The following LRP1B variants were observed in gnomAD, a reference collection of about 807,000 sequenced individuals.
LRP1B encodes low-density lipoprotein receptor-related protein 1B.
LRP1B carries 217 observed loss-of-function variants against 556.6 expected under a neutral mutation model. That is an observed-to-expected ratio of 0.39 (90% CI 0.35 to 0.44). The LOEUF is 0.44. LRP1B is among the 20% of genes least tolerant of loss of function. The pLI is 1.00. For missense variants in LRP1B, 5,053 were observed against 5,620.8 expected, an observed-to-expected ratio of 0.90 and a Z score of 3.23; for synonymous variants, 2,047 against 1,865.8, an observed-to-expected ratio of 1.10 and a Z score of -2.50.
chr2:141,254,614 T>A lies in LRP1B; in HGVS notation c.371A>T (p.Asn124Ile), dbSNP rs2105340513. ...QELLSNCQQL[N>I]CQYKCTMVRN... ...GACCATTGTACATTTATACTGACAATTCAGCTGTTGGCAATTGGATAACAG... is the reference window on the plus strand; with the variant it reads ...GACCATTGTACATTTATACTGACAAATCAGCTGTTGGCAATTGGATAACAG... The change falls in exon 4 of 91, where the codon AAT (asparagine) becomes ATT (isoleucine). Residue 124 changes from asparagine (N) to isoleucine (I), a missense_variant. Around this residue, in one of 5 missense-constraint regions of LRP1B, gnomAD observed 3,619 missense variants for 3,931.9 expected, o/e 0.92. Coordinates refer to ENST00000389484, the MANE Select transcript of LRP1B (RefSeq NM_018557.3). The A allele has an allele frequency of 1.2e-6, 2 of 1,610,942 alleles. No individual in the cohort carries two copies. Among genetic ancestry groups the A allele is most frequent in the Non-Finnish European group, 1.7e-6 (2 of 1,177,848 alleles).
chr2:140,556,557 A>G (rs1574076245), intron 43 of LRP1B, among the ~76,000 whole-genome samples: 2 of 152,194 alleles, frequency 1.3e-5, no homozygotes, highest in East Asian at 3.9e-4. Context: ...CTCCAATGTC[A>G]CTTAAAAGTT....
At chr2:141,754,120 C>G (rs935312119) in intron 2 of LRP1B, among the ~76,000 whole-genome samples, 12 of 152,118 alleles carry the variant, frequency 7.9e-5, no homozygotes, top group Admixed American at 2.6e-4. Context: ...TCATTCTTAT[C>G]CATGCATGCA....
intron 2 of LRP1B, among the ~76,000 whole-genome samples, chr2:141,720,005 G>C: frequency 6.6e-6 from 1 of 152,038 alleles, no homozygotes; most frequent in East Asian, 1.9e-4. Context: ...AATAAAAGTT[G>C]AAATTGTTTT....
At chr2:141,720,020 G>A (rs763128350) in intron 2 of LRP1B, among the ~76,000 whole-genome samples, 101 of 152,074 alleles carry the variant, frequency 6.6e-4, no homozygotes, top group Non-Finnish European at 1.3e-3. Context: ...TGTTTTAAAA[G>A]GTATTCATTA....
intron 1 of LRP1B, among the ~76,000 whole-genome samples, chr2:141,900,217 C>A (rs1699577136): frequency 6.6e-6 from 1 of 151,964 alleles, no homozygotes; most frequent in Non-Finnish European, 1.5e-5. Context: ...CATGTATTAT[C>A]CACAAGCCAA....
chr2:140,242,835 C>T (rs1052714810), intron 87 of LRP1B, among the ~76,000 whole-genome samples: 2 of 150,922 alleles, frequency 1.3e-5, no homozygotes, highest in African/African-American at 2.4e-5. Flanking sequence ...AGTGTGTAAG[C>T]CATATAAATC....
At chr2:141,887,376 G>A (rs1699160343) in intron 1 of LRP1B, among the ~76,000 whole-genome samples, 1 of 152,110 alleles carries the variant, frequency 6.6e-6, no homozygotes, top group Admixed American at 6.6e-5. Flanking sequence ...GTCAGACTTA[G>A]GAATGCCATA....
At chr2:141,071,841 G>A (rs193078737) in intron 7 of LRP1B, among the ~76,000 whole-genome samples, 109 of 152,058 alleles carry the variant, frequency 7.2e-4, no homozygotes, top group Middle Eastern at 3.4e-3. Context: ...ACCACTGCTC[G>A]ATGAAATAAA....
At chr2:142,094,573 G>A (rs1178010253) in intron 1 of LRP1B, among the ~76,000 whole-genome samples, 2 of 151,838 alleles carry the variant, frequency 1.3e-5, no homozygotes, top group African/African-American at 4.8e-5. Context: ...GCTTATTTTA[G>A]GGTATAATAT....
At chr2:140,606,602 T>A (rs368099853) in intron 41 of LRP1B, among the ~76,000 whole-genome samples, 6 of 152,064 alleles carry the variant, frequency 3.9e-5, no homozygotes, top group Admixed American at 6.6e-5. Context: ...CACTTCCTGA[T>A]TTCAACCTCA....
intron 41 of LRP1B, among the ~76,000 whole-genome samples, chr2:140,669,542 A>G (rs1419358899): frequency 6.6e-6 from 1 of 152,170 alleles, no homozygotes; most frequent in East Asian, 1.9e-4. Flanking sequence ...ACGTTCCAAG[A>G]TTTAATTATC....
Position 140,239,589 on chromosome 2 carries a change from T to C in LRP1B, c.13325-57A>G, listed in dbSNP as rs1371903406. On this transcript the variant is annotated intron_variant, in intron 87 of 90. Transcript: ENST00000389484. ...ATAAATAAAATGAAGTAAAAATTGA[T>C]AAAACTAAGTACTTTATTATACCAA... The C allele has an allele frequency of 8.2e-6, 9 of 1,094,202 alleles. No individual in the cohort carries two copies. The African/African-American group carries it at 1.1e-4, about 14-fold the overall frequency. 67.8% of individuals were successfully genotyped at this position (1,094,202 alleles called of 1,614,324 possible). A position where few individuals can be genotyped will look rare whatever the true frequency, so the allele number is the denominator to read the frequency against.
At chr2:141,834,834 A>C (rs1280979959) in intron 1 of LRP1B, among the ~76,000 whole-genome samples, 1 of 151,982 alleles carries the variant, frequency 6.6e-6, no homozygotes, top group Non-Finnish European at 1.5e-5. Flanking sequence ...CTCAAGAAGC[A>C]ATGTAGAATG....
At chr2:141,624,032 T>TAAAAAAAAAAAAAAAAAAAAAAAAAA (rs761446527) in intron 2 of LRP1B, among the ~76,000 whole-genome samples, 3 of 14,458 alleles carry the variant, frequency 2.1e-4, no homozygotes, top group East Asian at 3.2e-3. Context: ...AAAAAAAAAT[T>TAAAAAAAAAAAAAAAAAAAAAAAAAA]AAACAAAAAA....
At chr2:140,237,624 A>C (rs1680765427) in intron 89 of LRP1B, among the ~76,000 whole-genome samples, 1 of 150,838 alleles carries the variant, frequency 6.6e-6, no homozygotes, top group Non-Finnish European at 1.5e-5. Context: ...TACTGGGAGG[A>C]AGTGGGTAGA....
intron 32 of LRP1B, among the ~76,000 whole-genome samples, chr2:140,791,507 T>A (rs1443627044): frequency 1.3e-5 from 2 of 152,266 alleles, no homozygotes; most frequent in Non-Finnish European, 1.5e-5. Flanking sequence ...GGTTGTGACT[T>A]GGAATCAAAG....
At chr2:140,794,261 A>G (rs972160418) in intron 32 of LRP1B, among the ~76,000 whole-genome samples, 1 of 152,172 alleles carries the variant, frequency 6.6e-6, no homozygotes, top group Non-Finnish European at 1.5e-5. Context: ...GAAAAGGAAA[A>G]TAATTTAAAT....
At chr2:141,257,367 T>C (rs1558964552) in intron 3 of LRP1B, among the ~76,000 whole-genome samples, 1 of 152,186 alleles carries the variant, frequency 6.6e-6, no homozygotes, top group Non-Finnish European at 1.5e-5. Flanking sequence ...GTCAAATTTA[T>C]TATTTTTCCA....
At chr2:141,196,801 C>T (rs923262833) in intron 6 of LRP1B, among the ~76,000 whole-genome samples, 5 of 152,128 alleles carry the variant, frequency 3.3e-5, no homozygotes, top group East Asian at 1.9e-4. Context: ...TTTACTCCTT[C>T]GCCATGGTTT....
Sources: allele counts gnomAD v4.1 joint callset (sites outside exome capture counted in the v4.1 genomes callset), GRCh38; gene constraint gnomAD v4.1.1; regional missense constraint gnomAD v4.1.1; transcripts MANE v1.5; gene names NCBI Gene and HGNC (gene_info 2026-07-23, HGNC 2026-07-21).